Variants in CLDN10 observed in about 807,000 individuals in gnomAD.
CLDN10 encodes claudin 10, also known as claudin-10.
CLDN10 carries 15 observed loss-of-function variants against 22.9 expected under a neutral mutation model. That is an observed-to-expected ratio of 0.65 (90% confidence interval 0.44 to 1.01). CLDN10 has a LOEUF of 1.01. Among genes scored for constraint, CLDN10 ranks in the 50% least tolerant of loss-of-function variants. The probability of loss-of-function intolerance (pLI) is 0.00; values close to 1 mark genes in which losing one functional copy is unlikely to be tolerated. For missense variants in CLDN10, 247 were observed against 287.8 expected (o/e 0.86, Z 1.03); for synonymous variants, 114 against 111.4 (o/e 1.02, Z -0.15).
At chr13:95,535,131 G>GC (rs5805940) in intron 1 of CLDN10, among the ~76,000 whole-genome samples, 2,245 of 152,292 alleles carry the variant, frequency 0.015, 46 homozygotes, top group African/African-American at 0.045. Flanking sequence ...ATTCCAAGGT[G>GC]CAGCATGGCA....
chr13:95,485,437 C>A (rs1161327610), intron 1 of CLDN10, among the ~76,000 whole-genome samples: 1 of 152,136 alleles, frequency 6.6e-6, no homozygotes, highest in East Asian at 1.9e-4. Flanking sequence ...AATTTCAGGC[C>A]TTACACCACA....
At chr13:95,490,596 G>A (rs748875654) in intron 1 of CLDN10, among the ~76,000 whole-genome samples, 1 of 152,144 alleles carries the variant, frequency 6.6e-6, no homozygotes, top group Non-Finnish European at 1.5e-5. Context: ...TTTTGGAGTT[G>A]AATTCCAGTT....
chr13:95,458,495 G>T (rs764506211), intron 1 of CLDN10, among the ~76,000 whole-genome samples: 4 of 152,178 alleles, frequency 2.6e-5, no homozygotes, highest in Non-Finnish European at 4.4e-5. Flanking sequence ...AGGTGAAGGG[G>T]AAGCAAGCCA....
intron 1 of CLDN10, among the ~76,000 whole-genome samples, chr13:95,541,465 T>A (rs981815890): frequency 6.6e-6 from 1 of 152,192 alleles, no homozygotes; most frequent in African/African-American, 2.4e-5. Context: ...AATGACCCCA[T>A]CACACTCTGC....
chr13:95,527,325 C>T (rs187804031), intron 1 of CLDN10, among the ~76,000 whole-genome samples: 15 of 152,264 alleles, frequency 9.9e-5, no homozygotes, highest in African/African-American at 3.1e-4. Flanking sequence ...TTAAGAAATT[C>T]ATTTACTGTC....
intron 1 of CLDN10, among the ~76,000 whole-genome samples, chr13:95,461,863 A>C (rs1362349254): frequency 6.6e-6 from 1 of 152,142 alleles, no homozygotes; most frequent in Non-Finnish European, 1.5e-5. Context: ...AGGCCAATGC[A>C]GGAAGATCAC....
At chr13:95,476,099 C>T (rs919814005) in intron 1 of CLDN10, among the ~76,000 whole-genome samples, 16 of 152,070 alleles carry the variant, frequency 1.1e-4, no homozygotes, top group Middle Eastern at 3.2e-3. Context: ...GTTTGGGAGG[C>T]GCAAAGGCAT....
chr13:95,517,467 G>A (rs1194375122), intron 1 of CLDN10, among the ~76,000 whole-genome samples: 1 of 152,198 alleles, frequency 6.6e-6, no homozygotes, highest in Non-Finnish European at 1.5e-5. Context: ...TAGTTCCAAA[G>A]GGAACTAAGA....
At chr13:95,540,630 A>C (rs2043450390) in intron 1 of CLDN10, among the ~76,000 whole-genome samples, 1 of 152,254 alleles carries the variant, frequency 6.6e-6, no homozygotes, top group Non-Finnish European at 1.5e-5. Context: ...ATAACTAAAC[A>C]AAATTGCATG....
chr13:95,446,601 G>T (rs1305706910), intron 1 of CLDN10, among the ~76,000 whole-genome samples: 1 of 152,216 alleles, frequency 6.6e-6, no homozygotes, highest in African/African-American at 2.4e-5. Context: ...CAACACTTTG[G>T]GAGGCCAAGG....
At chr13:95,455,485 TC>T (rs1367793005) in intron 1 of CLDN10, among the ~76,000 whole-genome samples, 90 of 152,256 alleles carry the variant, frequency 5.9e-4, no homozygotes, top group African/African-American at 2.1e-3. Context: ...AATTCTAAAA[TC>T]CTAGAGAACA....
chr13:95,477,470 G>A (rs1368399553), intron 1 of CLDN10, among the ~76,000 whole-genome samples: 1 of 152,174 alleles, frequency 6.6e-6, no homozygotes, highest in African/African-American at 2.4e-5. Context: ...ATCACCCGGA[G>A]GACTCCTTCC....
At chr13:95,524,808 C>G (rs1365341629) in intron 1 of CLDN10, among the ~76,000 whole-genome samples, 2 of 151,888 alleles carry the variant, frequency 1.3e-5, no homozygotes, top group Non-Finnish European at 2.9e-5. Context: ...TCTCCAAGCT[C>G]TCACCAACAT....
chr13:95,524,199 G>A (rs961323720), intron 1 of CLDN10, among the ~76,000 whole-genome samples: 1 of 150,492 alleles, frequency 6.6e-6, no homozygotes, highest in Admixed American at 6.7e-5. Context: ...GGCTATAGTT[G>A]TGAATTTTTC....
chr13:95,467,509 C>T (rs2042591874), intron 1 of CLDN10, among the ~76,000 whole-genome samples: 1 of 143,822 alleles, frequency 7.0e-6, no homozygotes, highest in Non-Finnish European at 1.6e-5. Flanking sequence ...ATAAATTACC[C>T]CTCCCTCTAT....
intron 3 of CLDN10, among the ~76,000 whole-genome samples, chr13:95,571,698 A>T (rs1163776326): frequency 6.6e-6 from 1 of 152,224 alleles, no homozygotes; most frequent in Non-Finnish European, 1.5e-5. Context: ...TCATGCAGTT[A>T]TATAGATCTT....
chr13:95,555,261 T>TGATC (rs2043621034), intron 1 of CLDN10, among the ~76,000 whole-genome samples: 1 of 152,176 alleles, frequency 6.6e-6, no homozygotes. Context: ...CATGTTAGGC[T>TGATC]GATCGCGAAC....
chr13:95,529,691 C>G (rs1396505107), intron 1 of CLDN10, among the ~76,000 whole-genome samples: 1 of 152,152 alleles, frequency 6.6e-6, no homozygotes, highest in Non-Finnish European at 1.5e-5. Context: ...TCTTTCCCTA[C>G]TTGTCTACAT....
chr13:95,478,907 C>T (rs116462314), intron 1 of CLDN10, among the ~76,000 whole-genome samples: 147 of 152,358 alleles, frequency 9.6e-4, no homozygotes, highest in African/African-American at 3.3e-3. Flanking sequence ...ACTGGCCAAG[C>T]ACTGCCCTGG....
Sources: allele counts gnomAD v4.1 joint callset (sites outside exome capture counted in the v4.1 genomes callset), GRCh38; gene constraint gnomAD v4.1.1; transcripts MANE v1.5; gene names NCBI Gene and HGNC (gene_info 2026-07-23, HGNC 2026-07-21).